Variants in UBR3 observed in about 807,000 individuals in gnomAD.
The protein encoded by UBR3 is E3 ubiquitin-protein ligase UBR3.
A neutral mutation model predicts 243.2 loss-of-function variants in UBR3; 85 were observed. The observed-to-expected ratio is 0.35, with a 90% CI of 0.29 to 0.42. The LOEUF (loss-of-function observed/expected upper bound fraction) is 0.42, where lower values mean the gene tolerates loss of function less well. UBR3 is among the 10% of genes least tolerant of loss of function. The probability of loss-of-function intolerance (pLI) is 1.00; values close to 1 mark genes in which losing one functional copy is unlikely to be tolerated. For synonymous variants in UBR3, 748 were observed against 799.8 expected (o/e 0.94, Z 1.09); for missense variants, 1,686 against 2,300.8 (o/e 0.73, Z 5.47).
In UBR3 at chr2:169,877,497, T is replaced by C; in HGVS notation, c.848T>C (p.Leu283Pro). 9 of 1,527,754 alleles carry C rather than the reference T, an allele frequency of 5.9e-6. No homozygotes were observed. Among genetic ancestry groups the C allele is most frequent in the Non-Finnish European group, 7.9e-6 (9 of 1,141,730 alleles). The allele number at this position is 1,527,754 out of a possible 1,614,324, so 94.6% of individuals were successfully genotyped here. ...ATTTGAAGTTTGTTTTAATTAGGTC[T>C]TGGAGAAAATGCTTGTGTAAAGAAA... ...QQNYKDLTSG[L>P]GENACVKKSH... Residue 283 changes from leucine (L) to proline (P), a missense_variant, in exon 4 of 39, where the codon CTT becomes CCT. By Grantham distance (98) the Leu-to-Pro change is moderately conservative (BLOSUM62 -3). This residue lies in a region of UBR3 where 200 missense variants were observed against 231.6 expected (regional missense o/e 0.86). Coordinates refer to ENST00000272793, the MANE Select transcript of UBR3 (RefSeq NM_172070.4).
At chr2:169,876,037 G>T in intron 3 of UBR3, 88 bp downstream of exon 3, 19 of 1,002,420 alleles carry the variant, frequency 1.9e-5, no homozygotes, top group East Asian at 3.7e-5. Flanking sequence ...AAGGTAAATT[G>T]TAGAATTTTC....
At chr2:169,932,851 G>T in intron 18 of UBR3, 61 bp from the exon 19 acceptor site, 1 of 1,299,656 alleles carries the variant, frequency 7.7e-7, no homozygotes, top group Non-Finnish European at 1.1e-6. Context: ...AATGTAATAA[G>T]TCAATAAATA....
chr2:169,879,355 G>A (rs982980095), intron 5 of UBR3, among the ~76,000 whole-genome samples: 3 of 152,020 alleles, frequency 2.0e-5, no homozygotes, highest in African/African-American at 7.2e-5. Context: ...GATTTCTGTT[G>A]TGGAAGTCTT....
rs549360483 is a variant in UBR3 at position 170,015,205 on chromosome 2, G to T, written c.4368-76G>T. ...GTTGAAGAACTTTATTTTTTAGGTT[G>T]ATTCAGACATGTCAATAAAGCAGAT... is the stretch of plus-strand genomic sequence containing the variant. On this transcript the variant is annotated intron_variant, in intron 29 of 38. Coordinates refer to ENST00000272793, the MANE Select transcript of UBR3 (RefSeq NM_172070.4). 9.3e-5 allele frequency: 116 copies of T among 1,246,750 alleles called. No homozygotes were observed. In the African/African-American group the frequency reaches 1.7e-3, roughly 18 times the overall value. 77.2% of individuals were successfully genotyped at this position (1,246,750 alleles called of 1,614,324 possible).
chr2:170,046,306 G>T (rs2091086781), intron 32 of UBR3, among the ~76,000 whole-genome samples: 1 of 151,954 alleles, frequency 6.6e-6, no homozygotes, highest in South Asian at 2.1e-4. Flanking sequence ...TTTGGCTTAG[G>T]ATCCAAAAAA....
At chr2:169,960,730 T>G (rs967472394) in intron 24 of UBR3, among the ~76,000 whole-genome samples, 1 of 152,124 alleles carries the variant, frequency 6.6e-6, no homozygotes. Context: ...ACTTTTAAAC[T>G]TTTAAATTGT....
At chr2:169,927,230 G>T in intron 16 of UBR3, 90 bp from the exon 17 acceptor site, 1 of 1,214,174 alleles carries the variant, frequency 8.2e-7, no homozygotes, top group Non-Finnish European at 1.2e-6. Context: ...CTTATATTTG[G>T]TAAAACAGCT....
At chr2:169,937,510 G>A (rs531948511) in intron 19 of UBR3, among the ~76,000 whole-genome samples, 282 of 152,200 alleles carry the variant, frequency 1.9e-3, no homozygotes, top group Non-Finnish European at 3.3e-3. Flanking sequence ...TCTTTAGTTT[G>A]ATTAGATCCC....
intron 25 of UBR3, among the ~76,000 whole-genome samples, chr2:169,993,494 G>A (rs971316833): frequency 6.6e-6 from 1 of 152,156 alleles, no homozygotes; most frequent in Non-Finnish European, 1.5e-5. Flanking sequence ...AAGTTTCAGA[G>A]TCCAAGTTGG....
chr2:170,051,250 G>C (rs1178413121), intron 32 of UBR3, among the ~76,000 whole-genome samples: 1 of 151,978 alleles, frequency 6.6e-6, no homozygotes, highest in Non-Finnish European at 1.5e-5. Context: ...CAGACAAATG[G>C]ACTAAAACCA....
intron 24 of UBR3, among the ~76,000 whole-genome samples, chr2:169,967,414 T>A (rs777651063): frequency 1.3e-5 from 2 of 152,056 alleles, no homozygotes; most frequent in African/African-American, 4.8e-5. Flanking sequence ...AAAGTTTTAT[T>A]TTTTTATTTT....
rs1356343112 is a variant in UBR3, at chr2:170,041,043, A to AGAT, written c.4660+59_4660+61dup. On this transcript the variant is annotated intron_variant, in intron 32 of 38. Transcript: ENST00000272793. The stretch of plus-strand genomic sequence containing the variant: ...ATACTATGTATTTTGAATATTCTAG[A>AGAT]GATTATAGAGACAAATAGGCTGGGT... The AGAT allele has an allele frequency of 4.0e-6, 6 of 1,492,016 alleles. No individual in the cohort carries two copies. In the African/African-American group the frequency reaches 8.4e-5, roughly 21 times the overall value. The allele number at this position is 1,492,016 out of a possible 1,614,324, so 92.4% of individuals were successfully genotyped here.
At chr2:169,844,897 A>T (rs889904880) in intron 1 of UBR3, among the ~76,000 whole-genome samples, 3 of 150,664 alleles carry the variant, frequency 2.0e-5, no homozygotes, top group Admixed American at 1.3e-4. Flanking sequence ...GCTCTTTATT[A>T]TTTTCTTCCT....
chr2:170,025,571 C>T (rs10930391), intron 30 of UBR3, among the ~76,000 whole-genome samples: 58,247 of 152,030 alleles, frequency 0.38, 11,237 homozygotes, highest in South Asian at 0.51. Flanking sequence ...ATGCCTGTTC[C>T]TTCAGTGGTT....
Position 169,946,314 on chromosome 2 carries a change from A to C in UBR3, c.2832A>C (p.Ser944=). The C allele has an allele frequency of 6.7e-7, 1 of 1,500,168 alleles. No individual in the cohort carries two copies. The highest frequency in any genetic ancestry group is 8.9e-7 in the Non-Finnish European group (1 of 1,125,232). The allele number at this position is 1,500,168 out of a possible 1,614,324, so 92.9% of individuals were successfully genotyped here. The change falls in exon 21 of 39, where the codon TCA becomes TCC. Residue 944 remains serine (S), a synonymous_variant. Transcript: ENST00000272793. ...YKILMDHQNL[S]EHVLCMVLYL... ...TTTTGATGGATCATCAAAATCTGTCAGAACATGTACTCTGCATGGTTTTAT... is the reference window on the plus strand; with the variant it reads ...TTTTGATGGATCATCAAAATCTGTCCGAACATGTACTCTGCATGGTTTTAT...
At chr2:169,887,863 C>T (rs1490084396) in intron 5 of UBR3, among the ~76,000 whole-genome samples, 1 of 149,950 alleles carries the variant, frequency 6.7e-6, no homozygotes, top group African/African-American at 2.4e-5. Flanking sequence ...TGCAACCTCC[C>T]CCTCCCGGGT....
chr2:170,077,883 G>C, intron 36 of UBR3: 1 of 416,014 alleles, frequency 2.4e-6, no homozygotes, highest in South Asian at 2.5e-5. Flanking sequence ...ACTGCACCTG[G>C]CTCTGTTCAA....
chr2:169,913,910 G>C (rs547261292), intron 10 of UBR3, 150 bp from the exon 11 acceptor site: 3 of 318,902 alleles, frequency 9.4e-6, no homozygotes, highest in African/African-American at 6.5e-5. Flanking sequence ...TGTTTATGAA[G>C]GGAGAGTTTC....
intron 29 of UBR3, 188 bp from the exon 30 acceptor site, chr2:170,015,093 G>A (rs981201047): frequency 2.0e-6 from 1 of 498,532 alleles, no homozygotes; most frequent in African/African-American, 1.9e-5. Context: ...AGTAAGGATG[G>A]ATAAATTGTT....
Sources: gnomAD v4.1 joint callset for allele counts (sites outside exome capture counted in the v4.1 genomes callset) on GRCh38, gnomAD v4.1.1 for gene constraint, gnomAD v4.1.1 regional missense constraint, MANE v1.5 for transcripts, NCBI Gene and HGNC (gene_info 2026-07-23, HGNC 2026-07-21) for gene names.